Variants in PTPRN2 observed in about 807,000 individuals in gnomAD.
PTPRN2 encodes receptor-type tyrosine-protein phosphatase N2.
A neutral mutation model predicts 118.8 loss-of-function variants in PTPRN2; 74 were observed. The ratio of observed to expected loss-of-function variants is 0.62; its 90% CI spans 0.52 to 0.76. PTPRN2 has a LOEUF of 0.76. Ranked by LOEUF, PTPRN2 falls within the 30% of genes least tolerant of loss-of-function variation. The pLI, the probability that PTPRN2 is intolerant of heterozygous loss-of-function variation, is 0.00. For synonymous variants in PTPRN2, 641 were observed against 608.0 expected, an observed-to-expected ratio of 1.05 and a Z score of -0.80; for missense variants, 1,481 against 1,394.4, an observed-to-expected ratio of 1.06 and a Z score of -0.99.
rs747916789 is a variant in PTPRN2 at position 157,595,334 on chromosome 7, A to C, written c.2419-19T>G. 2.7e-5 allele frequency: 43 copies of C among 1,611,276 alleles called. No individual in the cohort carries two copies. In the East Asian group the frequency reaches 9.4e-4, roughly 35 times the overall value. On this transcript the variant is annotated intron_variant, in intron 16 of 22. Coordinates refer to ENST00000389418, the MANE Select transcript of PTPRN2 (RefSeq NM_002847.5). ...GATCCATCTGCAGAGACAAGACCAC[A>C]CCACAGCGGTTAGCCAGGAGATTAG...
chr7:157,543,044 A>C (rs221259), intron 22 of PTPRN2, among the ~76,000 whole-genome samples: 118,428 of 152,120 alleles, frequency 0.78, 46,531 homozygotes, highest in Non-Finnish European at 0.83. Context: ...ATCACCTAGA[A>C]CCATGCTCTA....
intron 12 of PTPRN2, among the ~76,000 whole-genome samples, chr7:157,774,977 C>T (rs145688644): frequency 0.012 from 1,877 of 152,330 alleles, 15 homozygotes; most frequent in Non-Finnish European, 0.019. Context: ...TTGATGAGAA[C>T]AGTGACACAA....
intron 1 of PTPRN2, among the ~76,000 whole-genome samples, chr7:158,582,351 C>A (rs1828669638): frequency 6.6e-6 from 1 of 152,178 alleles, no homozygotes; most frequent in African/African-American, 2.4e-5. Context: ...TGGCCTTCGT[C>A]TCTTGGGATT....
chr7:157,613,859 C>T (rs1370139714), intron 15 of PTPRN2, among the ~76,000 whole-genome samples: 1 of 152,214 alleles, frequency 6.6e-6, no homozygotes, highest in Non-Finnish European at 1.5e-5. Context: ...CCACAGTGTG[C>T]CGGGACTCGG....
intron 12 of PTPRN2, among the ~76,000 whole-genome samples, chr7:157,789,788 G>A (rs1216051750): frequency 6.6e-6 from 1 of 150,698 alleles, no homozygotes; most frequent in Non-Finnish European, 1.5e-5. Context: ...TATATGGTAT[G>A]TGTGTGGTGT....
intron 11 of PTPRN2, among the ~76,000 whole-genome samples, chr7:158,078,116 C>A (rs907527799): frequency 6.6e-5 from 10 of 152,200 alleles, no homozygotes; most frequent in African/African-American, 2.4e-4. Flanking sequence ...CCTTCTCATT[C>A]GGCATCAATA....
intron 13 of PTPRN2, among the ~76,000 whole-genome samples, chr7:157,675,705 C>T (rs548080586): frequency 3.4e-4 from 51 of 152,128 alleles, no homozygotes; most frequent in African/African-American, 1.2e-3. Flanking sequence ...CACTGACAGT[C>T]GCTGCAGACC....
In PTPRN2 at chr7:158,166,217, CACACT is replaced by C. The variant is rs1563546170; in HGVS notation, c.910+709_910+713del. Among the ~76,000 whole-genome samples the C allele has an allele frequency of 6.0e-5, 9 of 150,346 alleles. 2 individuals carry two copies. Among genetic ancestry groups the C allele is most frequent in the African/African-American group, 1.2e-4 (5 of 40,990 alleles). On this transcript the variant is annotated intron_variant, in intron 6 of 22. Transcript: ENST00000389418. Reference sequence around the variant, plus strand: ...ATGAACAAGAAGTGAGAAGGGAACACACACTGTCCTCACACCCTCAGGATCATCTC... The same window carrying C: ...ATGAACAAGAAGTGAGAAGGGAACACGTCCTCACACCCTCAGGATCATCTC...
At chr7:158,397,157 TC>T (rs1189825291) in intron 2 of PTPRN2, among the ~76,000 whole-genome samples, 1 of 152,206 alleles carries the variant, frequency 6.6e-6, no homozygotes, top group Non-Finnish European at 1.5e-5. Context: ...AACTTACACT[TC>T]AGCATTTTTT....
chr7:158,118,052 A>G (rs886958537), intron 9 of PTPRN2, among the ~76,000 whole-genome samples: 2 of 152,132 alleles, frequency 1.3e-5, no homozygotes, highest in Non-Finnish European at 2.9e-5. Context: ...GTGGTTTGTA[A>G]CTCCTTTTAG....
intron 13 of PTPRN2, among the ~76,000 whole-genome samples, chr7:157,666,086 A>G (rs1222094996): frequency 2.0e-5 from 3 of 152,110 alleles, no homozygotes; most frequent in Admixed American, 1.3e-4. Context: ...ATACATATGT[A>G]ACAAACCTGC....
chr7:157,853,408 T>C (rs1416702957), intron 12 of PTPRN2, among the ~76,000 whole-genome samples: 1 of 152,162 alleles, frequency 6.6e-6, no homozygotes, highest in Non-Finnish European at 1.5e-5. Flanking sequence ...GTGCCCACTT[T>C]AAACCCTGGA....
rs551961139 is a variant in PTPRN2, at chr7:157,765,306, TCTTTC to T, written c.1789-82374_1789-82370del. ...ATCCACCCATCCAACCATCCATCCATCTTTCCTTCATCCATCCCTCCATCATCCAT... is the reference window on the plus strand; with the variant it reads ...ATCCACCCATCCAACCATCCATCCATCTTCATCCATCCCTCCATCATCCAT... On this transcript the variant is annotated intron_variant, in intron 12 of 22. Transcript: ENST00000389418. 7.3e-4 allele frequency among the ~76,000 whole-genome samples: 109 copies of T among 148,780 alleles called. 2 individuals carry two copies. In the South Asian group the frequency reaches 0.023, roughly 32 times the overall value.
chr7:158,212,777 A>T (rs1392953511), intron 3 of PTPRN2, among the ~76,000 whole-genome samples: 1 of 152,150 alleles, frequency 6.6e-6, no homozygotes, highest in African/African-American at 2.4e-5. Context: ...TGTTCTTCCT[A>T]ACAAAATCTT....
intron 12 of PTPRN2, among the ~76,000 whole-genome samples, chr7:157,708,862 A>G (rs1798459025): frequency 6.6e-6 from 1 of 152,222 alleles, no homozygotes; most frequent in Non-Finnish European, 1.5e-5. Context: ...ACAATTCAAT[A>G]ACAAGCCACG....
chr7:157,540,656 A>T lies in PTPRN2; in HGVS notation c.*58T>A. ...GAAGACACACAATTAAAGTCAGATC[A>T]TGATTCCTGACAACATCCGTGGGGT... is the stretch of plus-strand genomic sequence containing the variant. On this transcript the variant is annotated 3_prime_UTR_variant, in exon 23 of 23. Coordinates refer to ENST00000389418, the MANE Select transcript of PTPRN2 (RefSeq NM_002847.5). The T allele has an allele frequency of 7.2e-7, 1 of 1,389,528 alleles. No individual in the cohort carries two copies. Among genetic ancestry groups the T allele is most frequent in the Admixed American group, 2.1e-5 (1 of 48,620 alleles). The allele number at this position is 1,389,528 out of a possible 1,614,324, so 86.1% of individuals were successfully genotyped here. A position where few individuals can be genotyped will look rare whatever the true frequency, so the allele number is the denominator to read the frequency against.
At chr7:158,499,261 G>T (rs1170551210) in intron 1 of PTPRN2, among the ~76,000 whole-genome samples, 2 of 152,090 alleles carry the variant, frequency 1.3e-5, no homozygotes, top group African/African-American at 2.4e-5. Flanking sequence ...TCTATTCCCT[G>T]GGCCTGGGAC....
In PTPRN2 at chr7:157,539,402, G is replaced by T. The variant is rs79436277; in HGVS notation, c.*1312C>A. 1 of 152,122 alleles carries T rather than the reference G, an allele frequency of 6.6e-6. No homozygotes were observed. Among genetic ancestry groups the T allele is most frequent in the Non-Finnish European group, 1.5e-5 (1 of 68,056 alleles). The allele number at this position is 152,122 out of a possible 1,614,324, so 9.4% of individuals were successfully genotyped here. ...TGTGGGAAGGGCGGGATGGAGGTGC[G>T]TTTTCTACGCTGAACCCCACACAGG... is the stretch of plus-strand genomic sequence containing the variant. On this transcript the variant is annotated 3_prime_UTR_variant, in exon 23 of 23. Coordinates refer to ENST00000389418, the MANE Select transcript of PTPRN2 (RefSeq NM_002847.5).
At chr7:158,556,774 G>A (rs192323899) in intron 1 of PTPRN2, among the ~76,000 whole-genome samples, 237 of 146,238 alleles carry the variant, frequency 1.6e-3, no homozygotes, top group Non-Finnish European at 2.3e-3. Context: ...TTGCTCCCAC[G>A]CAGGTCGCTC....
Sources: allele counts gnomAD v4.1 joint callset (sites outside exome capture counted in the v4.1 genomes callset), GRCh38; gene constraint gnomAD v4.1.1; transcripts MANE v1.5; gene names NCBI Gene and HGNC (gene_info 2026-07-23, HGNC 2026-07-21).